The following SCUBE1 variants were observed in gnomAD, a reference collection of about 807,000 sequenced individuals.
The protein encoded by SCUBE1 is signal peptide, CUB domain and EGF like domain containing 1.
In SCUBE1, 59 loss-of-function variants were observed where a neutral mutation model predicts 124.4. The observed-to-expected ratio is 0.47, with a 90% CI of 0.38 to 0.59. The LOEUF (loss-of-function observed/expected upper bound fraction) is 0.59. Among genes scored for constraint, SCUBE1 ranks in the 20% least tolerant of loss-of-function variants. The probability of loss-of-function intolerance (pLI) is 0.00; values close to 1 mark genes in which losing one functional copy is unlikely to be tolerated. For missense variants in SCUBE1, 1,150 were observed against 1,371.2 expected, an observed-to-expected ratio of 0.84 and a Z score of 2.55; for synonymous variants, 545 against 550.9, an observed-to-expected ratio of 0.99 and a Z score of 0.15.
intron 3 of SCUBE1, among the ~76,000 whole-genome samples, chr22:43,301,868 G>A (rs369163264): frequency 6.6e-6 from 1 of 152,212 alleles, no homozygotes; most frequent in Non-Finnish European, 1.5e-5. Flanking sequence ...CTTCTGGCCT[G>A]GACATCCACA....
At position 43,210,160 on chromosome 22, in the gene SCUBE1, C is replaced by A; in HGVS notation, c.2464G>T (p.Ala822Ser). ...GGCGCGATGTGCCAGACGCATTCAGCGTTGGCTGGGTAGTCGCCAGGGTAG... is the reference window on the plus strand; with the variant it reads ...GGCGCGATGTGCCAGACGCATTCAGAGTTGGCTGGGTAGTCGCCAGGGTAG... ...PNYPGDYPANAECVWHIAPPP... is the reference protein window; with the variant it reads ...PNYPGDYPANSECVWHIAPPP... Residue 822 changes from alanine to serine, a missense_variant, in exon 19 of 22, where the codon GCT (alanine) becomes TCT (serine). By Grantham distance (99) the Ala-to-Ser change is moderately conservative. Transcript: ENST00000360835. The surrounding 1 kb of genome is among the most constrained non-coding windows in gnomAD (Gnocchi z 4.5). 1.2e-6 allele frequency: 2 copies of A among 1,609,384 alleles called. No homozygotes were observed. Among genetic ancestry groups the A allele is most frequent in the Middle Eastern group, 1.7e-4 (1 of 6,046 alleles).
At chr22:43,298,211 G>C (rs1273322000) in intron 3 of SCUBE1, among the ~76,000 whole-genome samples, 2 of 152,202 alleles carry the variant, frequency 1.3e-5, no homozygotes, top group Admixed American at 1.3e-4. Flanking sequence ...TTGGGGCCTG[G>C]GTTCTGCCAG....
At chr22:43,205,661 A>T in intron 21 of SCUBE1, among the ~76,000 whole-genome samples, 1 of 97,252 alleles carries the variant, frequency 1.0e-5, no homozygotes, top group African/African-American at 4.5e-5. Context: ...CCCCACACAC[A>T]CCACACACCC....
intron 4 of SCUBE1, among the ~76,000 whole-genome samples, chr22:43,269,851 C>T (rs1003675191): frequency 1.3e-5 from 2 of 152,210 alleles, no homozygotes; most frequent in Admixed American, 6.5e-5. Context: ...GAAGGTGGTG[C>T]CCAGGGGGAA....
At chr22:43,309,179 C>T (rs17003643) in intron 3 of SCUBE1, among the ~76,000 whole-genome samples, 6,197 of 152,110 alleles carry the variant, frequency 0.041, 285 homozygotes, top group East Asian at 0.18. Context: ...TCTGGCTTTG[C>T]ACACTAGGAA....
intron 6 of SCUBE1, among the ~76,000 whole-genome samples, chr22:43,249,277 T>G (rs1601827927): frequency 8.4e-6 from 1 of 119,440 alleles, no homozygotes. Flanking sequence ...ACCCTGGAGA[T>G]GGTCGCTGCA....
At chr22:43,223,612 C>A (rs1185303040) in intron 10 of SCUBE1, among the ~76,000 whole-genome samples, 1 of 152,230 alleles carries the variant, frequency 6.6e-6, no homozygotes, top group African/African-American at 2.4e-5. Context: ...CTCTTTGGGG[C>A]AGCCTCTGCT....
At chr22:43,323,444 C>T (rs1282762218) in intron 2 of SCUBE1, among the ~76,000 whole-genome samples, 1 of 152,174 alleles carries the variant, frequency 6.6e-6, no homozygotes, top group African/African-American at 2.4e-5. Flanking sequence ...GACCACCCTT[C>T]CATTTCTCCA....
intron 2 of SCUBE1, among the ~76,000 whole-genome samples, chr22:43,320,296 C>T (rs1349824279): frequency 6.6e-6 from 1 of 152,192 alleles, no homozygotes; most frequent in Non-Finnish European, 1.5e-5. Flanking sequence ...GTTCTGCCTC[C>T]ACGGAGCCAG....
intron 15 of SCUBE1, 91 bp downstream of exon 15, chr22:43,218,164 T>C: frequency 2.4e-6 from 3 of 1,243,518 alleles, no homozygotes; most frequent in Admixed American, 1.7e-5. Context: ...CCCAGGTGTC[T>C]GTCTCACCTG....
Position 43,229,184 on chromosome 22 carries a change from G to A in SCUBE1, c.972C>T (p.Ile324=). 9 of 1,579,328 alleles carry A rather than the reference G, an allele frequency of 5.7e-6. No homozygotes were observed. Among genetic ancestry groups the A allele is most frequent in the Non-Finnish European group, 7.8e-6 (9 of 1,157,812 alleles). The change falls in exon 9 of 22, where the codon ATC becomes ATT. Residue 324 remains isoleucine (I), a synonymous_variant. Coordinates refer to ENST00000360835, the MANE Select transcript of SCUBE1 (RefSeq NM_173050.5). ...LLTDERTCQD[I]DECSFERTCD... ...AGGTCCGCTCGAAGGAGCACTCGTC[G>A]ATGTCTGCGTGGCCACAGGGAGACA...
At chr22:43,321,805 T>G (rs1363975365) in intron 2 of SCUBE1, among the ~76,000 whole-genome samples, 2 of 152,228 alleles carry the variant, frequency 1.3e-5, no homozygotes, top group African/African-American at 2.4e-5. Flanking sequence ...CTCAAACTCC[T>G]GGGCTCAAGG....
At chr22:43,327,177 T>C (rs1037001235) in intron 2 of SCUBE1, among the ~76,000 whole-genome samples, 1 of 152,144 alleles carries the variant, frequency 6.6e-6, no homozygotes, top group African/African-American at 2.4e-5. Context: ...AGGACTGCCC[T>C]GAGAGCTGGG....
rs777959485 is a variant in SCUBE1 at position 43,319,953 on chromosome 22, A to G, written c.333T>C (p.Asp111=). The G allele has an allele frequency of 1.5e-5, 24 of 1,614,060 alleles. No individual in the cohort carries two copies. Among genetic ancestry groups the G allele is most frequent in the African/African-American group, 1.2e-4 (9 of 74,940 alleles). The change falls in exon 3 of 22, where the codon GAT becomes GAC. Residue 111 remains aspartate, a synonymous_variant. Transcript: ENST00000360835. ...ATCACTCACCCAGGCAGTTGTGTCCATCGTGTGCCAGCATGAAGCCATCAA... is the reference window on the plus strand; with the variant it reads ...ATCACTCACCCAGGCAGTTGTGTCCGTCGTGTGCCAGCATGAAGCCATCAA... ...TCFDGFMLAH[D]GHNCLDVDEC...
In SCUBE1 at chr22:43,223,120, G is replaced by C; in HGVS notation, c.1304C>G (p.Pro435Arg). Residue 435 changes from proline to arginine, a missense_variant, in exon 11 of 22, where the codon CCG becomes CGG. By Grantham distance (103) the Pro-to-Arg change is moderately radical (BLOSUM62 -2). Coordinates refer to ENST00000360835, the MANE Select transcript of SCUBE1 (RefSeq NM_173050.5). The stretch of plus-strand genomic sequence containing the variant: ...ACCTGGCACGAAGAGTGTGTGAGCC[G>C]GGCAGGAAAGGAAGCAGCTCTCCAC... ...GGVESCFLSC[P>R]AHTLFVPDSE... is the part of the protein sequence containing the mutation. 1 of 1,552,372 alleles carries C rather than the reference G, an allele frequency of 6.4e-7. No individual in the cohort carries two copies. Among genetic ancestry groups the C allele is most frequent in the African/African-American group, 1.4e-5 (1 of 71,254 alleles).
chr22:43,209,989 C>A lies in SCUBE1; in HGVS notation c.2581+54G>T, dbSNP rs567690060. 55 of 1,515,620 alleles carry A rather than the reference C, an allele frequency of 3.6e-5. No individual in the cohort carries two copies. In the Middle Eastern group the frequency reaches 7.8e-4, roughly 22 times the overall value. The allele number at this position is 1,515,620 out of a possible 1,614,324, so 93.9% of individuals were successfully genotyped here. A position where few individuals can be genotyped will look rare whatever the true frequency, so the allele number is the denominator to read the frequency against. On this transcript the variant is annotated intron_variant, in intron 19 of 21. Coordinates refer to ENST00000360835, the MANE Select transcript of SCUBE1 (RefSeq NM_173050.5). The stretch of plus-strand genomic sequence containing the variant: ...CCCGCCTGGCAGAACCGCAGCGAGA[C>A]GGGGGTGCACACGCAGCTGAGGCTG...
rs180932514 is a variant in SCUBE1 at position 43,209,967 on chromosome 22, G to A, written c.2581+76C>T. On this transcript the variant is annotated intron_variant, in intron 19 of 21. Coordinates refer to ENST00000360835, the MANE Select transcript of SCUBE1 (RefSeq NM_173050.5). ...TCTGCCCTGTGAAGGCAGCGATCCCGCCTGGCAGAACCGCAGCGAGACGGG... is the reference window on the plus strand; with the variant it reads ...TCTGCCCTGTGAAGGCAGCGATCCCACCTGGCAGAACCGCAGCGAGACGGG... 3.5e-5 allele frequency: 51 copies of A among 1,467,730 alleles called. No individual in the cohort carries two copies. In the Admixed American group the frequency reaches 6.8e-4, roughly 19 times the overall value. The allele number at this position is 1,467,730 out of a possible 1,614,324, so 90.9% of individuals were successfully genotyped here.
intron 11 of SCUBE1, among the ~76,000 whole-genome samples, 165 bp downstream of exon 11, chr22:43,222,932 G>C (rs533779825): frequency 6.6e-6 from 1 of 152,182 alleles, no homozygotes; most frequent in Non-Finnish European, 1.5e-5. Context: ...GAAGGACAGC[G>C]AGGCCCACAG....
chr22:43,221,391 G>A (rs1350267329), intron 12 of SCUBE1, 102 bp from the exon 13 acceptor site: 3 of 696,914 alleles, frequency 4.3e-6, no homozygotes, highest in African/African-American at 3.5e-5. Flanking sequence ...GGAGCTGGGG[G>A]TGGGGCTTGA....
Sources: allele counts gnomAD v4.1 joint callset (sites outside exome capture counted in the v4.1 genomes callset), GRCh38; gene constraint gnomAD v4.1.1; non-coding constraint Gnocchi (gnomAD v3.1); transcripts MANE v1.5; gene names NCBI Gene and HGNC (gene_info 2026-07-23, HGNC 2026-07-21).